The following CSMD1 variants were observed in gnomAD, a reference collection of about 807,000 sequenced individuals.
CSMD1 encodes CUB and sushi domain-containing protein 1.
Under a neutral mutation model 417.5 loss-of-function variants are expected in CSMD1, and 213 were observed. That is an observed-to-expected ratio of 0.51 (90% CI 0.46 to 0.57). The LOEUF is 0.57. Among genes scored for constraint, CSMD1 ranks in the 20% least tolerant of loss-of-function variants. CSMD1 has a pLI of 0.00. For missense variants in CSMD1, 6,923 were observed against 4,529.7 expected (o/e 1.53, Z -15.17); for synonymous variants, 2,862 against 1,736.8 (o/e 1.65, Z -16.11).
intron 26 of CSMD1, among the ~76,000 whole-genome samples, chr8:3,281,336 C>G (rs78636048): frequency 2.0e-5 from 3 of 151,778 alleles, no homozygotes; most frequent in South Asian, 2.1e-4. Context: ...CCCAGCTACT[C>G]GGGAGGCTGA....
At chr8:4,362,905 T>C (rs980373441) in intron 3 of CSMD1, among the ~76,000 whole-genome samples, 12 of 152,230 alleles carry the variant, frequency 7.9e-5, no homozygotes, top group African/African-American at 2.7e-4. Context: ...TTTAATTAAA[T>C]GTAAAAGATT....
In CSMD1 at chr8:4,782,342, C is replaced by G. The variant is rs142901366; in HGVS notation, c.86-144784G>C. Among the ~76,000 whole-genome samples, 890 of 152,176 alleles carry G rather than the reference C, an allele frequency of 5.8e-3. 10 individuals carry two copies. Among genetic ancestry groups the G allele is most frequent in the South Asian group, 0.021 (103 of 4,824 alleles). ...TTGATCATAACACAATGTATCTAAG[C>G]ATTAAAACTACTGATTATACCCCAT... On this transcript the variant is annotated intron_variant, in intron 1 of 69. Transcript: ENST00000635120.
chr8:4,021,645 C>T (rs887993531), intron 4 of CSMD1, among the ~76,000 whole-genome samples: 1 of 152,160 alleles, frequency 6.6e-6, no homozygotes, highest in African/African-American at 2.4e-5. Flanking sequence ...AACTCTCTCT[C>T]CCCATCCCTT....
intron 1 of CSMD1, among the ~76,000 whole-genome samples, chr8:4,811,570 G>A (rs940626934): frequency 6.6e-6 from 1 of 152,078 alleles, no homozygotes; most frequent in Non-Finnish European, 1.5e-5. Flanking sequence ...ATAAACACAT[G>A]TGAGGCTCAT....
intron 1 of CSMD1, among the ~76,000 whole-genome samples, chr8:4,659,181 C>T (rs566511880): frequency 2.6e-4 from 39 of 151,884 alleles, no homozygotes; most frequent in Admixed American, 1.1e-3. Context: ...CAAATGAAAA[C>T]GAGGACACAC....
intron 12 of CSMD1, among the ~76,000 whole-genome samples, chr8:3,453,138 G>A (rs185985021): frequency 5.9e-5 from 9 of 152,268 alleles, no homozygotes; most frequent in African/African-American, 1.2e-4. Context: ...ATGGTAGTTT[G>A]TATTTCCATG....
chr8:4,887,265 T>C lies in CSMD1; in HGVS notation c.85+107067A>G, dbSNP rs115316609. Among the ~76,000 whole-genome samples the C allele has an allele frequency of 1.1e-3, 167 of 152,242 alleles. 3 individuals carry two copies. The highest frequency in any genetic ancestry group is 3.6e-3 in the African/African-American group (149 of 41,530). On this transcript the variant is annotated intron_variant, in intron 1 of 69. Coordinates refer to ENST00000635120, the MANE Select transcript of CSMD1 (RefSeq NM_033225.6). ...TTAGTTGTATGCTGTTTAATTTCCA[T>C]ACATGTAGACTTTTCCTAGTTTCTA...
At chr8:4,706,917 A>G (rs1307182419) in intron 1 of CSMD1, among the ~76,000 whole-genome samples, 4 of 152,252 alleles carry the variant, frequency 2.6e-5, no homozygotes, top group Non-Finnish European at 5.9e-5. Context: ...CTTCTGATTC[A>G]TGAAACTATG....
intron 7 of CSMD1, chr8:3,702,346 C>G (rs1800917827): frequency 6.6e-6 from 1 of 152,184 alleles, no homozygotes. Context: ...GGGAAAATCT[C>G]TACTTCAAAA....
chr8:4,860,918 G>T (rs1433356405), intron 1 of CSMD1, among the ~76,000 whole-genome samples: 2 of 152,012 alleles, frequency 1.3e-5, no homozygotes. Context: ...GTGAATCTCT[G>T]TTCATCCCTC....
At chr8:4,635,032 A>C (rs940733240) in intron 2 of CSMD1, among the ~76,000 whole-genome samples, 1 of 152,206 alleles carries the variant, frequency 6.6e-6, no homozygotes, top group Non-Finnish European at 1.5e-5. Context: ...TGGAATATCA[A>C]GATGAAAGCA....
intron 1 of CSMD1, among the ~76,000 whole-genome samples, chr8:4,900,082 C>T (rs142934791): frequency 1.2e-4 from 18 of 152,256 alleles, no homozygotes; most frequent in African/African-American, 3.6e-4. Flanking sequence ...GTTCCTTCTG[C>T]TTCCACTGCA....
At chr8:4,202,935 C>G (rs1029238626) in intron 3 of CSMD1, among the ~76,000 whole-genome samples, 1 of 152,074 alleles carries the variant, frequency 6.6e-6, no homozygotes, top group East Asian at 1.9e-4. Flanking sequence ...AGATGTTGGC[C>G]TTATCTCTTT....
chr8:3,453,602 T>A (rs890032390), intron 12 of CSMD1, among the ~76,000 whole-genome samples: 1 of 152,228 alleles, frequency 6.6e-6, no homozygotes, highest in East Asian at 1.9e-4. Flanking sequence ...GTTGTTCAGT[T>A]TCCATGTAAC....
At chr8:4,921,394 A>G (rs964680659) in intron 1 of CSMD1, among the ~76,000 whole-genome samples, 2 of 152,220 alleles carry the variant, frequency 1.3e-5, no homozygotes, top group African/African-American at 2.4e-5. Context: ...TTTAATATGA[A>G]ACATGTATAA....
At chr8:3,647,323 C>G (rs1198971393) in intron 7 of CSMD1, among the ~76,000 whole-genome samples, 2 of 152,006 alleles carry the variant, frequency 1.3e-5, no homozygotes, top group African/African-American at 2.4e-5. Context: ...TATCCTTGGC[C>G]AGGAGAGAGG....
chr8:4,669,761 TA>T (rs113289797), intron 1 of CSMD1, among the ~76,000 whole-genome samples: 2 of 152,056 alleles, frequency 1.3e-5, no homozygotes, highest in Admixed American at 6.6e-5. Context: ...GGGTCAGAGG[TA>T]GGGGGTACTG....
chr8:4,030,554 G>A (rs866575034), intron 4 of CSMD1, among the ~76,000 whole-genome samples: 18 of 152,220 alleles, frequency 1.2e-4, no homozygotes, highest in East Asian at 5.8e-4. Flanking sequence ...CCCTTGGCCC[G>A]GCCCTCAAAA....
chr8:4,689,017 C>T (rs1485478647), intron 1 of CSMD1, among the ~76,000 whole-genome samples: 2 of 152,216 alleles, frequency 1.3e-5, no homozygotes, highest in African/African-American at 2.4e-5. Flanking sequence ...ATTGTCTGTT[C>T]ATATGAATAC....
Sources: allele counts gnomAD v4.1 joint callset (sites outside exome capture counted in the v4.1 genomes callset), GRCh38; gene constraint gnomAD v4.1.1; transcripts MANE v1.5; gene names NCBI Gene and HGNC (gene_info 2026-07-23, HGNC 2026-07-21).